FREM1: variants seen among roughly 807,000 people sequenced by gnomAD.
FREM1 encodes FRAS1-related extracellular matrix protein 1.
FREM1 carries 220 observed loss-of-function variants against 210.1 expected under a neutral mutation model. That is an observed-to-expected ratio of 1.05 (90% confidence interval 0.94 to 1.17). FREM1 has a LOEUF of 1.17. FREM1 is among the 50% of genes most tolerant of loss of function. The pLI, the probability that FREM1 is intolerant of heterozygous loss-of-function variation, is 0.00. For synonymous variants in FREM1, 1,189 were observed against 980.2 expected, an observed-to-expected ratio of 1.21 and a Z score of -3.98; for missense variants, 3,454 against 2,675.5, an observed-to-expected ratio of 1.29 and a Z score of -6.42.
At chr9:14,859,110 G>C in intron 4 of FREM1, 73 bp downstream of exon 4, 1 of 1,239,102 alleles carries the variant, frequency 8.1e-7, no homozygotes, top group Non-Finnish European at 1.1e-6. Flanking sequence ...CTTCATCATG[G>C]TGGAAGGTGA....
At chr9:14,898,247 G>T (rs1039612226) in intron 1 of FREM1, among the ~76,000 whole-genome samples, 1 of 152,190 alleles carries the variant, frequency 6.6e-6, no homozygotes, top group Admixed American at 6.5e-5. Context: ...CACCTTTCAG[G>T]GTTGTTACAC....
intron 35 of FREM1, among the ~76,000 whole-genome samples, chr9:14,743,559 C>T (rs1431186573): frequency 6.6e-6 from 1 of 152,122 alleles, no homozygotes; most frequent in Non-Finnish European, 1.5e-5. Context: ...TCAATACTTA[C>T]TGTCCTTATT....
chr9:14,874,867 T>C (rs2131993434), intron 1 of FREM1, among the ~76,000 whole-genome samples: 1 of 152,334 alleles, frequency 6.6e-6, no homozygotes, highest in South Asian at 2.1e-4. Context: ...GGCCTGGTGG[T>C]GACAAAATCT....
chr9:14,789,494 C>T (rs1850939827), intron 22 of FREM1, among the ~76,000 whole-genome samples: 1 of 152,086 alleles, frequency 6.6e-6, no homozygotes, highest in African/African-American at 2.4e-5. Flanking sequence ...TCAGAGTTTC[C>T]ATTTTTTAGT....
Position 14,784,379 on chromosome 9 carries a change from TC to T in FREM1, c.4432del (p.Asp1478ThrfsTer32). On this transcript the variant is annotated frameshift_variant, in exon 24 of 37. Transcript: ENST00000380880. LOFTEE classifies it high-confidence loss of function. ...TTTCCATGGGGCTCACCTGAATCTG[TC>T]ACTGGAGACAGTCACCTTGCTCTTG... ...VHKSKVTVSS[D>X]RFRFIISNGL... The T allele has an allele frequency of 1.9e-6, 3 of 1,613,468 alleles. No individual in the cohort carries two copies. Among genetic ancestry groups the T allele is most frequent in the Non-Finnish European group, 2.5e-6 (3 of 1,179,502 alleles).
intron 5 of FREM1, among the ~76,000 whole-genome samples, chr9:14,852,713 T>C (rs1828000973): frequency 6.6e-6 from 1 of 152,276 alleles, no homozygotes; most frequent in East Asian, 1.9e-4. Context: ...AGAATCCTCA[T>C]AGCTGTAGAT....
At chr9:14,771,696 C>G (rs1563885608) in intron 25 of FREM1, among the ~76,000 whole-genome samples, 2 of 152,158 alleles carry the variant, frequency 1.3e-5, no homozygotes, top group Non-Finnish European at 2.9e-5. Context: ...TTACACCAAC[C>G]TGATACTACT....
intron 10 of FREM1, among the ~76,000 whole-genome samples, chr9:14,829,193 A>T (rs189918637): frequency 6.6e-6 from 1 of 152,324 alleles, no homozygotes; most frequent in East Asian, 1.9e-4. Context: ...TTTAAGTCTT[A>T]AAACTACACT....
intron 5 of FREM1, among the ~76,000 whole-genome samples, chr9:14,854,440 A>G (rs1391734488): frequency 1.3e-5 from 2 of 152,138 alleles, no homozygotes; most frequent in Non-Finnish European, 2.9e-5. Flanking sequence ...GGGTGATACA[A>G]ATTGATCATT....
At chr9:14,813,104 G>A (rs756604298) in intron 15 of FREM1, 40 bp from the exon 16 acceptor site, 1 of 1,572,310 alleles carries the variant, frequency 6.4e-7, no homozygotes, top group East Asian at 2.3e-5. Flanking sequence ...GAAAAAGAAA[G>A]AAATGACAAA....
intron 19 of FREM1, among the ~76,000 whole-genome samples, chr9:14,804,058 T>A (rs918308822): frequency 6.6e-6 from 1 of 152,204 alleles, no homozygotes; most frequent in South Asian, 2.1e-4. Context: ...CAAACCTGAT[T>A]AGTAGACAGG....
intron 27 of FREM1, among the ~76,000 whole-genome samples, chr9:14,765,554 G>A (rs993789434): frequency 8.5e-5 from 13 of 152,172 alleles, no homozygotes; most frequent in African/African-American, 2.9e-4. Context: ...GCTTTCCTAA[G>A]ATCTAGTCTG....
At chr9:14,750,382 G>C in intron 29 of FREM1, 106 bp from the exon 30 acceptor site, 3 of 827,438 alleles carry the variant, frequency 3.6e-6, no homozygotes, top group South Asian at 1.8e-5. Context: ...GCAGTAGCCC[G>C]AGTGAGCTAT....
intron 1 of FREM1, among the ~76,000 whole-genome samples, chr9:14,876,028 C>G (rs1833654089): frequency 6.6e-6 from 1 of 152,156 alleles, no homozygotes; most frequent in Non-Finnish European, 1.5e-5. Context: ...CTGATCGTTC[C>G]TCTGGAAGTT....
At position 14,812,852 on chromosome 9, in the gene FREM1, C is replaced by G. The variant is rs1225661904; in HGVS notation, c.2853G>C (p.Gln951His). 1.9e-6 allele frequency: 3 copies of G among 1,613,556 alleles called. No homozygotes were observed. Among genetic ancestry groups the G allele is most frequent in the Admixed American group, 1.7e-5 (1 of 60,000 alleles). ...TCACGGCCTCTGAGATAACATCTCT[C>G]TGAGAGAACTGATCCACTGTGACTC... is the stretch of plus-strand genomic sequence containing the variant. ...RAGVTVDQFSQRDVISEAVTY... is the reference protein window; with the variant it reads ...RAGVTVDQFSHRDVISEAVTY... The change falls in exon 16 of 37, where the codon CAG becomes CAC. Residue 951 changes from glutamine (Q) to histidine (H), a missense_variant. By Grantham distance (24) the Gln-to-His change is conservative. Transcript: ENST00000380880.
At chr9:14,749,517 T>C (rs143854158) in intron 30 of FREM1, among the ~76,000 whole-genome samples, 5 of 152,218 alleles carry the variant, frequency 3.3e-5, no homozygotes, top group African/African-American at 1.2e-4. Flanking sequence ...GACAAGTAAC[T>C]AAAAGGCATT....
intron 27 of FREM1, among the ~76,000 whole-genome samples, chr9:14,761,228 T>C (rs1724): frequency 0.83 from 126,678 of 152,120 alleles, 52,915 homozygotes; most frequent in South Asian, 0.9. Context: ...TGTGTCATAA[T>C]CACGTTCTAT....
chr9:14,801,999 A>G, intron 19 of FREM1, 125 bp from the exon 20 acceptor site: 1 of 641,478 alleles, frequency 1.6e-6, no homozygotes, highest in Non-Finnish European at 2.6e-6. Flanking sequence ...TTTATATAGG[A>G]TGAGTCCTAA....
At chr9:14,882,266 A>C (rs1044011606) in intron 1 of FREM1, among the ~76,000 whole-genome samples, 1 of 152,088 alleles carries the variant, frequency 6.6e-6, no homozygotes, top group Non-Finnish European at 1.5e-5. Context: ...TTCTCTAATT[A>C]TATCATAGTA....
Sources: gnomAD v4.1 joint callset for allele counts (sites outside exome capture counted in the v4.1 genomes callset) on GRCh38, gnomAD v4.1.1 for gene constraint, MANE v1.5 for transcripts, NCBI Gene and HGNC (gene_info 2026-07-23, HGNC 2026-07-21) for gene names.